The following HYDIN variants were observed in gnomAD, a reference collection of about 807,000 sequenced individuals.
HYDIN encodes axonemal central pair apparatus protein HYDIN.
A neutral mutation model predicts 403.9 loss-of-function variants in HYDIN; 132 were observed. The observed-to-expected ratio is 0.33, with a 90% CI of 0.28 to 0.38. The LOEUF (loss-of-function observed/expected upper bound fraction) is 0.38, where lower values mean the gene tolerates loss of function less well. Ranked by LOEUF, HYDIN falls within the 10% of genes least tolerant of loss-of-function variation. The probability of loss-of-function intolerance (pLI) is 1.00; values close to 1 mark genes in which losing one functional copy is unlikely to be tolerated. For synonymous variants in HYDIN, 1,202 were observed against 1,891.7 expected (o/e 0.64, Z 9.46); for missense variants, 2,827 against 5,009.5 (o/e 0.56, Z 13.15).
chr16:70,834,950 G>GTGTGTATA (rs1399274838), intron 78 of HYDIN, among the ~76,000 whole-genome samples: 1 of 130,912 alleles, frequency 7.6e-6, no homozygotes, highest in African/African-American at 3.3e-5. Context: ...ACACATATAT[G>GTGTGTATA]TATATATATA....
chr16:71,200,890 C>G (rs2087969475), intron 1 of HYDIN, among the ~76,000 whole-genome samples: 6 of 152,160 alleles, frequency 3.9e-5, no homozygotes, highest in Admixed American at 3.9e-4. Context: ...GCCTCTCATT[C>G]TAAGTCCATT....
intron 13 of HYDIN, among the ~76,000 whole-genome samples, chr16:71,075,490 C>G (rs1386389039): frequency 2.0e-5 from 3 of 151,500 alleles, no homozygotes; most frequent in Non-Finnish European, 4.4e-5. Flanking sequence ...AGCCAGAGCT[C>G]CCTAACATCA....
At chr16:71,176,750 T>C (rs1374473354) in intron 4 of HYDIN, among the ~76,000 whole-genome samples, 1 of 152,262 alleles carries the variant, frequency 6.6e-6, no homozygotes, top group African/African-American at 2.4e-5. Context: ...CAGATTAGTC[T>C]GACTCTGGAG....
At chr16:71,193,907 A>C (rs1053077559) in intron 1 of HYDIN, among the ~76,000 whole-genome samples, 27 of 152,170 alleles carry the variant, frequency 1.8e-4, no homozygotes, top group African/African-American at 5.8e-4. Flanking sequence ...AAAAGCCAGC[A>C]AAAATTTTTT....
chr16:70,954,680 G>A lies in HYDIN; in HGVS notation c.6316+695C>T, dbSNP rs537567936. ...CATGCAGCTGGCTGTCGGGTTGGCCGGCCCAGGCCCATTTGTCTGCAGCTT... is the reference window on the plus strand; with the variant it reads ...CATGCAGCTGGCTGTCGGGTTGGCCAGCCCAGGCCCATTTGTCTGCAGCTT... On this transcript the variant is annotated intron_variant, in intron 40 of 85. Coordinates refer to ENST00000393567, the MANE Select transcript of HYDIN (RefSeq NM_001270974.2). Among the ~76,000 whole-genome samples the A allele has an allele frequency of 6.6e-5, 10 of 152,174 alleles. No homozygotes were observed. The East Asian group carries it at 1.7e-3, about 27-fold the overall frequency.
At position 71,027,733 on chromosome 16, in the gene HYDIN, G is replaced by T. The variant is rs2080762781; in HGVS notation, c.2911C>A (p.Pro971Thr). The T allele has an allele frequency of 6.7e-7, 1 of 1,495,660 alleles. No individual in the cohort carries two copies. The highest frequency in any genetic ancestry group is 1.2e-5 in the South Asian group (1 of 83,812). 92.6% of individuals were successfully genotyped at this position (1,495,660 alleles called of 1,614,324 possible). A position where few individuals can be genotyped will look rare whatever the true frequency, so the allele number is the denominator to read the frequency against. Residue 971 changes from proline (P) to threonine (T), a missense_variant, in exon 20 of 86, where the codon CCC (proline) becomes ACC (threonine). Coordinates refer to ENST00000393567, the MANE Select transcript of HYDIN (RefSeq NM_001270974.2). ...RVKKGHAHVQ[P>T]QPSGSQEPRD... is the part of the protein sequence containing the mutation. ...GGCTCCTGAGAGCCACTGGGCTGGG[G>T]TTGGACATGAGCATGTCCCTTCTTA... is the stretch of plus-strand genomic sequence containing the variant.
At chr16:71,152,818 A>G (rs373303176) in intron 6 of HYDIN, 35 bp from the exon 7 acceptor site, 5 of 1,586,690 alleles carry the variant, frequency 3.2e-6, no homozygotes, top group African/African-American at 1.3e-5. Flanking sequence ...ATCAGAGCAT[A>G]TTTCTGACTA....
Position 70,866,256 on chromosome 16 carries a change from C to T in HYDIN, c.11384G>A (p.Ser3795Asn), listed in dbSNP as rs373469213. ...ENYQELQLQI[S>N]ANVDFASYHC... ...GTATGAAGCGAAATCCACATTGGCA[C>T]TGATTTGAAGCTGCAGTTCTTGGTA... Residue 3795 changes from serine (S) to asparagine (N), a missense_variant, in exon 67 of 86, where the codon AGT (serine) becomes AAT (asparagine). Physicochemically the swap from Ser to Asn is conservative, Grantham distance 46. Transcript: ENST00000393567. The T allele has an allele frequency of 3.7e-6, 5 of 1,357,740 alleles. No individual in the cohort carries two copies. The African/African-American group carries it at 5.7e-5, about 16-fold the overall frequency. 84.1% of individuals were successfully genotyped at this position (1,357,740 alleles called of 1,614,324 possible).
intron 9 of HYDIN, among the ~76,000 whole-genome samples, chr16:71,124,006 G>A (rs2084355033): frequency 1.3e-5 from 2 of 151,420 alleles, no homozygotes; most frequent in East Asian, 2.0e-4. Context: ...ATATTCTCTG[G>A]GTCATTACTC....
At chr16:70,969,065 T>A (rs1350074898) in intron 36 of HYDIN, among the ~76,000 whole-genome samples, 2 of 151,822 alleles carry the variant, frequency 1.3e-5, no homozygotes, top group Non-Finnish European at 2.9e-5. Flanking sequence ...AACTTGAAGA[T>A]AAAATAATAG....
In HYDIN at chr16:70,806,253, G is replaced by A. The variant is rs1475367773; in HGVS notation, c.*1327C>T. On this transcript the variant is annotated 3_prime_UTR_variant, in exon 86 of 86. Coordinates refer to ENST00000393567, the MANE Select transcript of HYDIN (RefSeq NM_001270974.2). ...AATACCACAGTATATGGAGTGTTCA[G>A]TACTATCTGTGGTTTCAGGCATCTA... Among the ~76,000 whole-genome samples, 1 of 152,182 alleles carries A rather than the reference G, an allele frequency of 6.6e-6. No homozygotes were observed. The highest frequency in any genetic ancestry group is 1.5e-5 in the Non-Finnish European group (1 of 68,038).
chr16:71,106,177 C>G (rs899423256), intron 10 of HYDIN, among the ~76,000 whole-genome samples: 20 of 151,288 alleles, frequency 1.3e-4, no homozygotes, highest in African/African-American at 4.6e-4. Context: ...CCCTCTCTCT[C>G]TCTCTCTCTC....
chr16:71,079,804 G>T lies in HYDIN; in HGVS notation c.1738+81C>A. On this transcript the variant is annotated intron_variant, in intron 13 of 85. Coordinates refer to ENST00000393567, the MANE Select transcript of HYDIN (RefSeq NM_001270974.2). ...TCCTATTCCAGTGCTGTGGAACGGG[G>T]GTTCTTTGTAAACCTTCCTCCTTCC... 7 of 620,178 alleles carry T rather than the reference G, an allele frequency of 1.1e-5. No individual in the cohort carries two copies. In the Admixed American group the frequency reaches 1.7e-4, roughly 15 times the overall value. 38.4% of individuals were successfully genotyped at this position (620,178 alleles called of 1,614,324 possible).
intron 11 of HYDIN, among the ~76,000 whole-genome samples, chr16:71,089,471 G>C (rs1195024257): frequency 1.3e-5 from 2 of 152,046 alleles, no homozygotes; most frequent in Non-Finnish European, 2.9e-5. Context: ...GGAGGACAAA[G>C]AGCATGAGAG....
chr16:71,096,056 GT>G (rs1265182318), intron 10 of HYDIN, among the ~76,000 whole-genome samples: 1 of 150,130 alleles, frequency 6.7e-6, no homozygotes, highest in Non-Finnish European at 1.5e-5. Context: ...AGGCAAATAT[GT>G]TTAAAACTCT....
At chr16:70,962,618 C>A (rs2078452563) in intron 37 of HYDIN, among the ~76,000 whole-genome samples, 1 of 151,112 alleles carries the variant, frequency 6.6e-6, no homozygotes, top group African/African-American at 2.4e-5. Flanking sequence ...TTTCCTGTGT[C>A]ATTGTTAGGG....
At chr16:71,085,340 A>G (rs1230624620) in intron 12 of HYDIN, among the ~76,000 whole-genome samples, 1 of 119,548 alleles carries the variant, frequency 8.4e-6, no homozygotes. Flanking sequence ...ATTTGTTCAT[A>G]TCATCTACAT....
chr16:71,011,544 AAAACAAAC>A (rs145764086), intron 23 of HYDIN, among the ~76,000 whole-genome samples: 3 of 139,356 alleles, frequency 2.2e-5, no homozygotes, highest in South Asian at 2.5e-4. Flanking sequence ...CTGTCTCTAC[AAAACAAAC>A]AAACAAACAA....
At position 71,186,879 on chromosome 16, in the gene HYDIN, AGTCTTCTACTT is replaced by A; in HGVS notation, c.6_16del (p.Ser3Ter). Reference sequence around the variant, plus strand: ...CTGAACAGCCCCCATGGACTCCTCAAGTCTTCTACTTGTCATTTTTAGTAATTTTTTTTTCT... The same window carrying A: ...CTGAACAGCCCCCATGGACTCCTCAAGTCATTTTTAGTAATTTTTTTTTCT... On this transcript the variant is annotated frameshift_variant, in exon 2 of 86. Coordinates refer to ENST00000393567, the MANE Select transcript of HYDIN (RefSeq NM_001270974.2). LOFTEE classifies it high-confidence loss of function. 1 of 1,610,966 alleles carries A rather than the reference AGTCTTCTACTT, an allele frequency of 6.2e-7. No homozygotes were observed. The highest frequency in any genetic ancestry group is 8.5e-7 in the Non-Finnish European group (1 of 1,178,556).
Sources: allele counts gnomAD v4.1 joint callset (sites outside exome capture counted in the v4.1 genomes callset), GRCh38; gene constraint gnomAD v4.1.1; transcripts MANE v1.5; gene names NCBI Gene and HGNC (gene_info 2026-07-23, HGNC 2026-07-21).